Variants in GAB1 observed in about 807,000 individuals in gnomAD.
GAB1 encodes the protein GRB2 associated binding protein 1, also known as GRB2-associated-binding protein 1.
In GAB1, 19 loss-of-function variants were observed where a neutral mutation model predicts 66.5. The observed-to-expected ratio is 0.29, with a 90% CI of 0.20 to 0.42. The LOEUF (loss-of-function observed/expected upper bound fraction) is 0.42. Ranked by LOEUF, GAB1 falls within the 10% of genes least tolerant of loss-of-function variation. The probability of loss-of-function intolerance (pLI) is 1.00; values close to 1 mark genes in which losing one functional copy is unlikely to be tolerated. For missense variants in GAB1, 732 were observed against 858.5 expected (o/e 0.85, Z 1.84); for synonymous variants, 294 against 301.4 (o/e 0.98, Z 0.25).
intron 1 of GAB1, among the ~76,000 whole-genome samples, chr4:143,366,551 GT>G: frequency 6.6e-6 from 1 of 152,148 alleles, no homozygotes; most frequent in Non-Finnish European, 1.5e-5. Flanking sequence ...TATTTCTGTA[GT>G]TTTCAAAGTT....
rs1359904219 is a variant in GAB1 at position 143,471,193 on chromosome 4, G to A, written c.*2004G>A. ...TACAGCTGCCTATCAAGGGTCTAAA[G>A]CACTTAATGAATGTTTTTAGTCTAA... On this transcript the variant is annotated 3_prime_UTR_variant, in exon 10 of 10. Coordinates refer to ENST00000262994, the MANE Select transcript of GAB1 (RefSeq NM_002039.4). The A allele has an allele frequency of 7.9e-5, 12 of 152,212 alleles. No homozygotes were observed. In the East Asian group the frequency reaches 2.3e-3, roughly 29 times the overall value. 9.4% of individuals were successfully genotyped at this position (152,212 alleles called of 1,614,324 possible).
At chr4:143,344,633 G>A (rs1219037601) in intron 1 of GAB1, among the ~76,000 whole-genome samples, 1 of 152,152 alleles carries the variant, frequency 6.6e-6, no homozygotes, top group African/African-American at 2.4e-5. Context: ...TTGCCAGTGG[G>A]ATGGCTATAG....
At chr4:143,350,407 A>G (rs556120863) in intron 1 of GAB1, among the ~76,000 whole-genome samples, 3 of 152,270 alleles carry the variant, frequency 2.0e-5, no homozygotes, top group South Asian at 4.1e-4. Context: ...GGCTGGGCGC[A>G]GTGGCTCACC....
chr4:143,338,256 C>G (rs1728723555), intron 1 of GAB1, among the ~76,000 whole-genome samples: 1 of 152,200 alleles, frequency 6.6e-6, no homozygotes, highest in Non-Finnish European at 1.5e-5. Context: ...CACTTTTGTG[C>G]TGACATCTGG....
chr4:143,341,903 T>G (rs1228259105), intron 1 of GAB1, among the ~76,000 whole-genome samples: 3 of 152,230 alleles, frequency 2.0e-5, no homozygotes, highest in Non-Finnish European at 4.4e-5. Flanking sequence ...TAGAAGCTCT[T>G]CCTATCCTTT....
intron 6 of GAB1, 26 bp from the exon 7 acceptor site, chr4:143,459,359 A>ATCTCTTTT: frequency 7.3e-7 from 1 of 1,371,646 alleles, no homozygotes; most frequent in Non-Finnish European, 1.0e-6. Context: ...TATACTAAAA[A>ATCTCTTTT]TCTCTTTTTC....
intron 1 of GAB1, among the ~76,000 whole-genome samples, chr4:143,344,961 C>G (rs1277241642): frequency 6.6e-6 from 1 of 152,210 alleles, no homozygotes; most frequent in Non-Finnish European, 1.5e-5. Flanking sequence ...GTTGTTATCT[C>G]TGTTACATTA....
intron 6 of GAB1, among the ~76,000 whole-genome samples, chr4:143,445,258 GT>G (rs1734446813): frequency 1.3e-5 from 2 of 152,024 alleles, no homozygotes; most frequent in South Asian, 4.1e-4. Context: ...AGCATCTGTT[GT>G]TTTTTGACTT....
intron 1 of GAB1, among the ~76,000 whole-genome samples, chr4:143,361,044 A>G (rs142066945): frequency 2.9e-3 from 445 of 152,346 alleles, no homozygotes; most frequent in African/African-American, 9.6e-3. Flanking sequence ...TGACTGAGCC[A>G]GCCTAATGGA....
At chr4:143,462,462 A>G (rs1347497230) in intron 8 of GAB1, among the ~76,000 whole-genome samples, 1 of 152,154 alleles carries the variant, frequency 6.6e-6, no homozygotes, top group Non-Finnish European at 1.5e-5. Flanking sequence ...GGAAAGTCCC[A>G]TATAATAGGA....
At chr4:143,347,500 G>A (rs1364139489) in intron 1 of GAB1, among the ~76,000 whole-genome samples, 1 of 152,212 alleles carries the variant, frequency 6.6e-6, no homozygotes, top group East Asian at 1.9e-4. Context: ...TTAGTCCAAA[G>A]TCATATTACT....
chr4:143,438,344 T>C lies in GAB1; in HGVS notation c.939T>C (p.Pro313=), dbSNP rs1734043536. Residue 313 remains proline, a synonymous_variant, in exon 4 of 10, where the codon CCT becomes CCC. Coordinates refer to ENST00000262994, the MANE Select transcript of GAB1 (RefSeq NM_002039.4). ...TTAGTTATGACATTCCTCCAACACC[T>C]GGTAATACTTATCAGATTCCACGAA... ...VSISYDIPPT[P]GNTYQIPRTF... The C allele has an allele frequency of 1.2e-6, 2 of 1,614,028 alleles. No homozygotes were observed. The highest frequency in any genetic ancestry group is 2.7e-5 in the African/African-American group (2 of 74,928).
chr4:143,355,289 A>G (rs776600074), intron 1 of GAB1, among the ~76,000 whole-genome samples: 1 of 152,144 alleles, frequency 6.6e-6, no homozygotes, highest in Non-Finnish European at 1.5e-5. Context: ...TACCATTTCT[A>G]TATCCACCTC....
intron 1 of GAB1, among the ~76,000 whole-genome samples, chr4:143,405,434 G>C (rs531854286): frequency 6.6e-6 from 1 of 152,248 alleles, no homozygotes; most frequent in East Asian, 1.9e-4. Flanking sequence ...TGTTCACTGA[G>C]CCTTGTGGGC....
intron 6 of GAB1, among the ~76,000 whole-genome samples, chr4:143,452,035 A>G (rs1734956460): frequency 6.6e-6 from 1 of 152,168 alleles, no homozygotes; most frequent in East Asian, 1.9e-4. Flanking sequence ...GTGGTGCTAC[A>G]TTAAGACTAG....
intron 1 of GAB1, among the ~76,000 whole-genome samples, chr4:143,409,910 T>C (rs1462439383): frequency 6.6e-6 from 1 of 152,210 alleles, no homozygotes; most frequent in Non-Finnish European, 1.5e-5. Flanking sequence ...AAGAGCAATA[T>C]AATCCTATTG....
chr4:143,399,580 A>G (rs1731643517), intron 1 of GAB1, among the ~76,000 whole-genome samples: 1 of 152,208 alleles, frequency 6.6e-6, no homozygotes, highest in South Asian at 2.1e-4. Context: ...AGAATAGAGA[A>G]GAAAAGAAAC....
intron 1 of GAB1, among the ~76,000 whole-genome samples, chr4:143,362,458 T>C (rs1418005320): frequency 1.3e-5 from 2 of 152,128 alleles, no homozygotes; most frequent in Non-Finnish European, 2.9e-5. Flanking sequence ...CGAGGGCTGC[T>C]GGTTGGCTAT....
intron 1 of GAB1, among the ~76,000 whole-genome samples, chr4:143,373,822 C>CCTCTCTCTCTCTCT (rs3049718): frequency 1.5e-3 from 145 of 97,844 alleles, no homozygotes; most frequent in African/African-American, 4.4e-3. Context: ...GGAGTGAAAC[C>CCTCTCTCTCTCTCT]CTCTCTCTCT....
Sources: gnomAD v4.1 joint callset for allele counts (sites outside exome capture counted in the v4.1 genomes callset) on GRCh38, gnomAD v4.1.1 for gene constraint, MANE v1.5 for transcripts, NCBI Gene and HGNC (gene_info 2026-07-23, HGNC 2026-07-21) for gene names.